NOX4: variants seen among roughly 807,000 people sequenced by gnomAD.
The protein encoded by NOX4 is NADPH oxidase 4.
NOX4 carries 69 observed loss-of-function variants against 87.6 expected under a neutral mutation model. The ratio of observed to expected loss-of-function variants is 0.79; its 90% CI spans 0.65 to 0.96. The LOEUF (loss-of-function observed/expected upper bound fraction) is 0.96. Ranked by LOEUF, NOX4 falls within the 40% of genes least tolerant of loss-of-function variation. The pLI is 0.00. For missense variants in NOX4, 680 were observed against 681.5 expected, an observed-to-expected ratio of 1.00 and a Z score of 0.02; for synonymous variants, 275 against 238.2, an observed-to-expected ratio of 1.15 and a Z score of -1.42.
At chr11:89,496,369 G>C (rs1269954054), upstream of NOX4, among the ~76,000 whole-genome samples, 1 of 152,136 alleles carries the variant, frequency 6.6e-6, no homozygotes, top group South Asian at 2.1e-4. Context: ...TTCAATGAAA[G>C]CTTGTTGAAT....
chr11:89,582,957 T>A, the NOX4 span, among the ~76,000 whole-genome samples: 145 of 152,286 alleles, frequency 9.5e-4, no homozygotes, highest in African/African-American at 3.4e-3. Context: ...TTGTTCTAGG[T>A]CTGGTCCTAG....
chr11:89,345,900 C>T (rs1410263466), intron 13 of NOX4, among the ~76,000 whole-genome samples: 1 of 152,016 alleles, frequency 6.6e-6, no homozygotes, highest in Admixed American at 6.6e-5. Context: ...ACAAGGATGC[C>T]CACTCTCACC....
upstream of NOX4, among the ~76,000 whole-genome samples, chr11:89,498,485 T>G (rs889382160): frequency 1.3e-5 from 2 of 152,204 alleles, no homozygotes; most frequent in African/African-American, 4.8e-5. Context: ...CGAAGTATGT[T>G]GACTTGCGTT....
intron 11 of NOX4, among the ~76,000 whole-genome samples, chr11:89,374,193 C>A (rs1474390862): frequency 6.6e-6 from 1 of 152,068 alleles, no homozygotes; most frequent in South Asian, 2.1e-4. Context: ...TACTCACTTA[C>A]CCTCGATTCC....
At chr11:89,430,997 C>A (rs1943751010) in intron 7 of NOX4, among the ~76,000 whole-genome samples, 1 of 152,090 alleles carries the variant, frequency 6.6e-6, no homozygotes, top group South Asian at 2.1e-4. Context: ...GTACTGCTAC[C>A]AAAACAGAGA....
At chr11:89,475,578 T>C (rs1279433354) in intron 2 of NOX4, among the ~76,000 whole-genome samples, 1 of 152,112 alleles carries the variant, frequency 6.6e-6, no homozygotes, top group African/African-American at 2.4e-5. Context: ...TGATCCCTTT[T>C]CTTCTAGACT....
intron 4 of NOX4, 107 bp downstream of exon 4, chr11:89,449,333 G>A (rs1229356784): frequency 2.7e-6 from 2 of 741,520 alleles, no homozygotes; most frequent in Non-Finnish European, 4.3e-6. Context: ...TGTTCTGGAA[G>A]AATAAGATTA....
Position 89,373,423 on chromosome 11 carries a change from T to G in NOX4, c.1135+9A>C. 1 of 1,525,528 alleles carries G rather than the reference T, an allele frequency of 6.6e-7. No homozygotes were observed. 94.5% of individuals were successfully genotyped at this position (1,525,528 alleles called of 1,614,324 possible). A position where few individuals can be genotyped will look rare whatever the true frequency, so the allele number is the denominator to read the frequency against. On this transcript the variant is annotated intron_variant, in intron 12 of 17. Coordinates refer to ENST00000263317, the MANE Select transcript of NOX4 (RefSeq NM_016931.5). ...AAGAATGTATCTTAAAACTGTATGTTCTACATACCTGTCCAGTCTCCTACT... is the reference window on the plus strand; with the variant it reads ...AAGAATGTATCTTAAAACTGTATGTGCTACATACCTGTCCAGTCTCCTACT...
rs1280553099 is a variant in NOX4, at chr11:89,438,548, TA to T, written c.475+2139del. ...ACTATATATTACACACTATATATAA[TA>T]ATATACTATATATAATATAATATAT... On this transcript the variant is annotated intron_variant, in intron 6 of 17. Coordinates refer to ENST00000263317, the MANE Select transcript of NOX4 (RefSeq NM_016931.5). Among the ~76,000 whole-genome samples the T allele has an allele frequency of 4.1e-3, 368 of 90,382 alleles. 17 individuals are homozygous for T. The highest frequency in any genetic ancestry group is 0.017 in the African/African-American group (346 of 19,922). The allele number at this position is 90,382 out of a possible 152,430, so 59.3% of individuals were successfully genotyped here. A position where few individuals can be genotyped will look rare whatever the true frequency, so the allele number is the denominator to read the frequency against.
At chr11:89,516,357 C>T in the NOX4 span, among the ~76,000 whole-genome samples, 1 of 152,036 alleles carries the variant, frequency 6.6e-6, no homozygotes, top group African/African-American at 2.4e-5. Context: ...ACTCGATATG[C>T]TTCACAAGCC....
chr11:89,498,090 T>A (rs913525249), exon 1 of NOX4: 3 of 152,174 alleles, frequency 2.0e-5, no homozygotes, highest in Non-Finnish European at 2.9e-5. Flanking sequence ...AGGAACCTCT[T>A]CTTTGCGTCC....
intron 12 of NOX4, among the ~76,000 whole-genome samples, chr11:89,366,731 A>T (rs913034851): frequency 5.3e-5 from 8 of 151,526 alleles, no homozygotes; most frequent in African/African-American, 1.7e-4. Context: ...CATTGTGAAA[A>T]TTGGATAGAA....
At chr11:89,370,537 T>C (rs1270518300) in intron 12 of NOX4, among the ~76,000 whole-genome samples, 2 of 151,964 alleles carry the variant, frequency 1.3e-5, no homozygotes, top group Non-Finnish European at 2.9e-5. Context: ...CTTAAAATGA[T>C]AATCAAGTCA....
At chr11:89,356,159 T>G (rs1371706319) in intron 12 of NOX4, among the ~76,000 whole-genome samples, 3 of 151,978 alleles carry the variant, frequency 2.0e-5, no homozygotes, top group Non-Finnish European at 4.4e-5. Flanking sequence ...AGGAAGGACA[T>G]GCACAATTCA....
At chr11:89,527,568 C>G in the NOX4 span, among the ~76,000 whole-genome samples, 1 of 152,152 alleles carries the variant, frequency 6.6e-6, no homozygotes, top group African/African-American at 2.4e-5. Flanking sequence ...GGAATTGATG[C>G]CCTGTGTCCC....
chr11:89,367,567 A>C (rs1366954212), intron 12 of NOX4, among the ~76,000 whole-genome samples: 1 of 152,070 alleles, frequency 6.6e-6, no homozygotes, highest in South Asian at 2.1e-4. Flanking sequence ...TGCAGCAATC[A>C]TAGATCACTC....
chr11:89,559,535 G>C, the NOX4 span, among the ~76,000 whole-genome samples: 1 of 152,192 alleles, frequency 6.6e-6, no homozygotes, highest in South Asian at 2.1e-4. Flanking sequence ...TATGTATTTA[G>C]GGAGACATAT....
chr11:89,447,586 A>C (rs572864553), intron 4 of NOX4, among the ~76,000 whole-genome samples: 1 of 152,300 alleles, frequency 6.6e-6, no homozygotes, highest in African/African-American at 2.4e-5. Context: ...AAAGAAGGGT[A>C]ATGTAGCCAA....
chr11:89,499,074 T>G (rs757934170), upstream of NOX4: 1 of 153,866 alleles, frequency 6.5e-6, no homozygotes, highest in Non-Finnish European at 1.5e-5. Context: ...CGGTGAGGTT[T>G]CTTTACCCCT....
Sources: allele counts gnomAD v4.1 joint callset (sites outside exome capture counted in the v4.1 genomes callset), GRCh38; gene constraint gnomAD v4.1.1; transcripts MANE v1.5; gene names NCBI Gene and HGNC (gene_info 2026-07-23, HGNC 2026-07-21).